Variants in ZNF143 observed in about 807,000 individuals in gnomAD.
ZNF143 encodes the protein SPH-binding factor.
A neutral mutation model predicts 74.1 loss-of-function variants in ZNF143; 49 were observed. That is an observed-to-expected ratio of 0.66 (90% CI 0.53 to 0.84). The LOEUF is 0.84. Among genes scored for constraint, ZNF143 ranks in the 40% least tolerant of loss-of-function variants. ZNF143 has a pLI of 0.00. For missense variants in ZNF143, 637 were observed against 793.4 expected (o/e 0.80, Z 2.37); for synonymous variants, 304 against 282.8 (o/e 1.07, Z -0.75).
chr11:9,518,077 A>T (rs973793802), intron 14 of ZNF143, among the ~76,000 whole-genome samples: 1 of 152,254 alleles, frequency 6.6e-6, no homozygotes, highest in Non-Finnish European at 1.5e-5. Flanking sequence ...ACCGTTAAAA[A>T]TGAGCCAAAA....
chr11:9,469,784 G>A (rs11042377), intron 1 of ZNF143, among the ~76,000 whole-genome samples: 51,404 of 151,986 alleles, frequency 0.34, 9,963 homozygotes, highest in Non-Finnish European at 0.44. Context: ...CTGACCTCAG[G>A]TGATCCACCT....
At chr11:9,492,094 A>G (rs369120286) in intron 7 of ZNF143, among the ~76,000 whole-genome samples, 25 of 140,434 alleles carry the variant, frequency 1.8e-4, no homozygotes, top group East Asian at 1.2e-3. Flanking sequence ...ATTCGCCACC[A>G]CACCTGGCTA....
chr11:9,462,445 T>C (rs1855923173), intron 1 of ZNF143, among the ~76,000 whole-genome samples: 1 of 151,980 alleles, frequency 6.6e-6, no homozygotes, highest in Admixed American at 6.6e-5. Flanking sequence ...GTGCCTGTAG[T>C]CCCAGGTACT....
At chr11:9,477,318 A>C (rs939223609) in intron 5 of ZNF143, among the ~76,000 whole-genome samples, 4 of 145,170 alleles carry the variant, frequency 2.8e-5, no homozygotes, top group Non-Finnish European at 4.6e-5. Flanking sequence ...GCAGTGGTGC[A>C]ATCTCGGCTC....
Position 9,474,574 on chromosome 11 carries a change from A to T in ZNF143, c.314A>T (p.Asp105Val), listed in dbSNP as rs1565026414. 6.8e-6 allele frequency: 11 copies of T among 1,614,172 alleles called. No individual in the cohort carries two copies. The highest frequency in any genetic ancestry group is 9.3e-6 in the Non-Finnish European group (11 of 1,180,030). Reference protein sequence around the residue: ...KSTGDSLRLEDGQAVQLEDGT... With the variant: ...KSTGDSLRLEVGQAVQLEDGT... ...GCAGGGGACAGTTTGCGTCTAGAGG[A>T]TGGTCAAGCAGTACAGTTAGAAGAT... The change falls in exon 5 of 16, where the codon GAT becomes GTT. Residue 105 changes from aspartate (D) to valine (V), a missense_variant. By Grantham distance (152) the Asp-to-Val change is radical. Transcript: ENST00000396602.
At chr11:9,479,449 A>G (rs1211846138) in intron 6 of ZNF143, 23 bp from the exon 7 acceptor site, 2 of 1,589,106 alleles carry the variant, frequency 1.3e-6, no homozygotes, top group Non-Finnish European at 8.6e-7. Flanking sequence ...AAAACATTTT[A>G]AAGCTTTATT....
chr11:9,486,391 TATATAATATA>T lies in ZNF143; in HGVS notation c.645+6846_645+6855del, dbSNP rs1847503220. ...TATATAATATATTATATATATAATA[TATATAATATA>T]TTATATATATAATATATATTATATA... On this transcript the variant is annotated intron_variant, in intron 7 of 15. Coordinates refer to ENST00000396602, the MANE Select transcript of ZNF143 (RefSeq NM_003442.6). Among the ~76,000 whole-genome samples, 2 of 32,058 alleles carry T rather than the reference TATATAATATA, an allele frequency of 6.2e-5. 1 individual carries two copies. The highest frequency in any genetic ancestry group is 1.1e-4 in the Non-Finnish European group (2 of 18,954). 21.0% of individuals were successfully genotyped at this position (32,058 alleles called of 152,430 possible). A position where few individuals can be genotyped will look rare whatever the true frequency, so the allele number is the denominator to read the frequency against.
intron 11 of ZNF143, among the ~76,000 whole-genome samples, chr11:9,505,947 T>TAAG (rs1848349434): frequency 6.6e-6 from 1 of 152,058 alleles, no homozygotes; most frequent in Non-Finnish European, 1.5e-5. Context: ...TATATGTGCT[T>TAAG]AAGTGCCTTT....
intron 13 of ZNF143, among the ~76,000 whole-genome samples, chr11:9,512,892 T>C (rs1166249872): frequency 6.6e-6 from 1 of 151,804 alleles, no homozygotes; most frequent in Non-Finnish European, 1.5e-5. Context: ...GAAACACAGA[T>C]CAGAAAAGGG....
intron 7 of ZNF143, among the ~76,000 whole-genome samples, chr11:9,488,697 G>A (rs1034001057): frequency 6.6e-6 from 1 of 152,116 alleles, no homozygotes; most frequent in African/African-American, 2.4e-5. Context: ...GCTAGACTGA[G>A]AGCCCTACAA....
chr11:9,508,543 C>T (rs1848438315), intron 11 of ZNF143, 76 bp from the exon 12 acceptor site: 1 of 1,363,178 alleles, frequency 7.3e-7, no homozygotes, highest in South Asian at 1.3e-5. Flanking sequence ...AGGTATTTTA[C>T]CCCCTGGGGG....
chr11:9,498,254 C>T (rs772250954), intron 10 of ZNF143, among the ~76,000 whole-genome samples: 1 of 152,222 alleles, frequency 6.6e-6, no homozygotes, highest in Non-Finnish European at 1.5e-5. Flanking sequence ...ATATGCATGT[C>T]TGCTGCTTTT....
chr11:9,505,352 C>T (rs1336351779), intron 11 of ZNF143, among the ~76,000 whole-genome samples: 2 of 151,616 alleles, frequency 1.3e-5, no homozygotes, highest in Non-Finnish European at 2.9e-5. Context: ...TCACTGCGAC[C>T]TCTGCCTCCT....
rs1041148865 is a variant in ZNF143 at position 9,484,775 on chromosome 11, C to T, written c.645+5229C>T. ...CCTCCCAAAGCACTAGGATTACAGG[C>T]GTGAGCCACCGCACCTGGCCAAAGA... On this transcript the variant is annotated intron_variant, in intron 7 of 15. Transcript: ENST00000396602. Among the ~76,000 whole-genome samples, 37 of 143,798 alleles carry T rather than the reference C, an allele frequency of 2.6e-4. 4 individuals carry two copies. The highest frequency in any genetic ancestry group is 9.9e-4 in the East Asian group (5 of 5,048). 94.3% of individuals were successfully genotyped at this position (143,798 alleles called of 152,430 possible). A position where few individuals can be genotyped will look rare whatever the true frequency, so the allele number is the denominator to read the frequency against.
chr11:9,477,135 C>T (rs1303168757), intron 5 of ZNF143, among the ~76,000 whole-genome samples: 1 of 138,792 alleles, frequency 7.2e-6, no homozygotes, highest in East Asian at 2.1e-4. Context: ...TCCTTCCTTC[C>T]TTCCTTCCTT....
intron 9 of ZNF143, 113 bp downstream of exon 9, chr11:9,496,491 C>G (rs536604405): frequency 5.2e-5 from 43 of 830,974 alleles, no homozygotes; most frequent in Non-Finnish European, 7.7e-5. Flanking sequence ...AGCACATGAT[C>G]AGTTTTTCAG....
intron 15 of ZNF143, 27 bp downstream of exon 15, chr11:9,525,413 G>T (rs1222054013): frequency 4.3e-6 from 7 of 1,613,750 alleles, no homozygotes; most frequent in Non-Finnish European, 5.9e-6. Context: ...ACTGTCCTCA[G>T]TCGACAGCAG....
intron 11 of ZNF143, among the ~76,000 whole-genome samples, chr11:9,501,759 CAG>C (rs1303821561): frequency 6.6e-6 from 1 of 151,932 alleles, no homozygotes; most frequent in African/African-American, 2.4e-5. Context: ...GCATGATACT[CAG>C]TGGTTCCATA....
intron 3 of ZNF143, 138 bp from the exon 4 acceptor site, chr11:9,473,803 C>T: frequency 1.9e-6 from 3 of 1,569,214 alleles, no homozygotes; most frequent in South Asian, 2.3e-5. Flanking sequence ...ATTGAATTGC[C>T]TCAGAACATT....
Sources: gnomAD v4.1 joint callset for allele counts (sites outside exome capture counted in the v4.1 genomes callset) on GRCh38, gnomAD v4.1.1 for gene constraint, MANE v1.5 for transcripts, NCBI Gene and HGNC (gene_info 2026-07-23, HGNC 2026-07-21) for gene names.